Variants in NBPF12 observed in about 807,000 individuals in gnomAD.
NBPF12 encodes the protein NBPF member 12, also known as NBPF family member NBPF12.
In NBPF12, 115 loss-of-function variants were observed where a neutral mutation model predicts 146.4. The observed-to-expected ratio is 0.79, with a 90% CI of 0.68 to 0.92. The LOEUF (loss-of-function observed/expected upper bound fraction) is 0.92. NBPF12 is among the 40% of genes least tolerant of loss of function. NBPF12 has a pLI of 0.00. For synonymous variants in NBPF12, 385 were observed against 508.9 expected, an observed-to-expected ratio of 0.76 and a Z score of 3.28; for missense variants, 1,205 against 1,326.8, an observed-to-expected ratio of 0.91 and a Z score of 1.43.
chr1:146,975,279 G>T (rs1400802154), intron 15 of NBPF12, among the ~76,000 whole-genome samples: 1 of 128,382 alleles, frequency 7.8e-6, no homozygotes, highest in Non-Finnish European at 1.6e-5. Flanking sequence ...TTTTCAATTC[G>T]CCCTATCTGC....
At chr1:146,979,605 G>C (rs1657246043) in intron 19 of NBPF12, among the ~76,000 whole-genome samples, 1 of 13,942 alleles carries the variant, frequency 7.2e-5, no homozygotes, top group Non-Finnish European at 1.1e-4. Context: ...GCAGGTTGTT[G>C]AGTTTCCATG....
chr1:146,973,910 A>C (rs1656821307), intron 14 of NBPF12, among the ~76,000 whole-genome samples: 1 of 150,604 alleles, frequency 6.6e-6, no homozygotes, highest in Non-Finnish European at 1.5e-5. Flanking sequence ...GCACCCGAGA[A>C]TGTGTGGAGG....
At position 146,964,834 on chromosome 1, in the gene NBPF12, T is replaced by A. The variant is rs1656087889; in HGVS notation, c.567-59T>A. On this transcript the variant is annotated intron_variant, in intron 7 of 33. Transcript: ENST00000617844. ...CCTGTCAAAACCAGCTAGGACTCCC[T>A]GGGGTCCAATCCCTCTGTGTTTAAT... is the stretch of plus-strand genomic sequence containing the variant. The A allele has an allele frequency of 3.1e-6, 5 of 1,594,048 alleles. No homozygotes were observed. The Admixed American group carries it at 8.4e-5, about 27-fold the overall frequency.
rs1287549637 is a variant in NBPF12, at chr1:146,966,492, C to A, written c.807C>A (p.Asn269Lys). 7.7e-6 allele frequency: 11 copies of A among 1,437,114 alleles called. No homozygotes were observed. In the Admixed American group the frequency reaches 8.4e-5, roughly 11 times the overall value. 89.0% of individuals were successfully genotyped at this position (1,437,114 alleles called of 1,614,324 possible). ...CTGGCCCCACCTCTTCTGCCACAAACGTCAGCATGGTGGTATCAGCCGGCC... is the reference window on the plus strand; with the variant it reads ...CTGGCCCCACCTCTTCTGCCACAAAAGTCAGCATGGTGGTATCAGCCGGCC... Residue 269 changes from asparagine to lysine, a missense_variant, in exon 9 of 34, where the codon AAC becomes AAA. Physicochemically the swap from Asn to Lys is moderately conservative, Grantham distance 94. Around this residue, in one of 16 missense-constraint regions of NBPF12, gnomAD observed 325 missense variants for 236.6 expected, o/e 1.37. Coordinates refer to ENST00000617844, the Ensembl canonical transcript of NBPF12.
chr1:146,989,478 T>C, intron 27 of NBPF12, 96 bp from the exon 31 acceptor site: 1 of 1,242,786 alleles, frequency 8.0e-7, no homozygotes, highest in Non-Finnish European at 1.2e-6. Context: ...CCTTTTTCTT[T>C]TCTAACCACT....
intron 3 of NBPF12, 39 bp downstream of exon 6, chr1:146,960,045 T>C: frequency 4.3e-6 from 2 of 464,656 alleles, no homozygotes; most frequent in Non-Finnish European, 7.2e-6. Context: ...CCCTCAGTCC[T>C]GATTAAACCT....
chr1:146,980,496 T>G (rs1267419873), intron 19 of NBPF12, among the ~76,000 whole-genome samples: 14 of 151,792 alleles, frequency 9.2e-5, no homozygotes, highest in South Asian at 2.1e-4. Flanking sequence ...AGGAGCTCTT[T>G]TTGGGCAGGC....
rs1356147436 is a variant in NBPF12, at chr1:146,972,252, G to C, written c.1592-499G>C. 1.7e-4 allele frequency among the ~76,000 whole-genome samples: 25 copies of C among 151,002 alleles called. No homozygotes were observed. In the South Asian group the frequency reaches 4.4e-3, roughly 26 times the overall value. ...TCTACTAAAAATACAAAAATTAGCT[G>C]TCATGTTACTTGGCGCTTGTAATCC... On this transcript the variant is annotated intron_variant, in intron 13 of 33. Coordinates refer to ENST00000617844, the Ensembl canonical transcript of NBPF12.
chr1:146,963,051 T>C lies in NBPF12; in HGVS notation c.279-44T>C, dbSNP rs1655963674. On this transcript the variant is annotated intron_variant, in intron 5 of 33. Coordinates refer to ENST00000617844, the Ensembl canonical transcript of NBPF12. ...CTGTTGCAATATTTGAACGGATCAC[T>C]CAACGCTTTTCACTGTTAAATTTTC... The C allele has an allele frequency of 7.5e-6, 12 of 1,610,308 alleles. No individual in the cohort carries two copies. The Admixed American group carries it at 1.0e-4, about 13-fold the overall frequency.
chr1:146,965,235 C>G (rs1656113130), intron 8 of NBPF12, 131 bp downstream of exon 11: 3 of 716,372 alleles, frequency 4.2e-6, no homozygotes, highest in Middle Eastern at 8.0e-4. Context: ...TGCTGTGACT[C>G]ACACATATAA....
intron 2 of NBPF12, among the ~76,000 whole-genome samples, chr1:146,955,091 T>G (rs1367611912): frequency 1.0e-5 from 1 of 100,278 alleles, no homozygotes; most frequent in African/African-American, 3.7e-5. Context: ...AAGACTTGAA[T>G]AGATACTTCA....
At chr1:146,965,723 C>A (rs1343624553) in intron 8 of NBPF12, among the ~76,000 whole-genome samples, 1 of 136,348 alleles carries the variant, frequency 7.3e-6, no homozygotes, top group African/African-American at 2.8e-5. Context: ...ACCCAGGAAC[C>A]GGATCTTGCA....
rs1553888345 is a variant in NBPF12, at chr1:146,984,521, G to A, written c.2667-292G>A. On this transcript the variant is annotated intron_variant, in intron 21 of 33. Coordinates refer to ENST00000617844, the Ensembl canonical transcript of NBPF12. ...TGTGTGTCCTGAGAGCACAAATACAGAGTGTCCTTTGACTCCCTCATCAGT... is the reference window on the plus strand; with the variant it reads ...TGTGTGTCCTGAGAGCACAAATACAAAGTGTCCTTTGACTCCCTCATCAGT... Among the ~76,000 whole-genome samples the A allele has an allele frequency of 1.1e-3, 159 of 150,618 alleles. No individual in the cohort carries two copies. In the South Asian group the frequency reaches 0.015, roughly 15 times the overall value.
rs1203044470 is a variant in NBPF12 at position 146,963,318 on chromosome 1, G to T, written c.493+9G>T. ...CCAAAAGCTCAGCCCAGGTAAGGTGGCCATAGGCCCTGATGACCCAAAACC... is the reference window on the plus strand; with the variant it reads ...CCAAAAGCTCAGCCCAGGTAAGGTGTCCATAGGCCCTGATGACCCAAAACC... On this transcript the variant is annotated intron_variant, in intron 6 of 33. Transcript: ENST00000617844. 6.2e-7 allele frequency: 1 copy of T among 1,611,710 alleles called. No homozygotes were observed. The highest frequency in any genetic ancestry group is 8.5e-7 in the Non-Finnish European group (1 of 1,179,840).
At chr1:146,959,104 G>C (rs1655722538) in intron 2 of NBPF12, among the ~76,000 whole-genome samples, 1 of 97,602 alleles carries the variant, frequency 1.0e-5, no homozygotes, top group African/African-American at 3.7e-5. Context: ...CAATCAATAG[G>C]ATATTACTTG....
chr1:146,966,271 T>C (rs1343252332), intron 8 of NBPF12, among the ~76,000 whole-genome samples, 193 bp from the exon 12 acceptor site: 3 of 151,996 alleles, frequency 2.0e-5, no homozygotes, highest in African/African-American at 7.3e-5. Context: ...TATGTCCTGC[T>C]TTAAAGGTGA....
chr1:146,973,158 C>G (rs1656764929), intron 14 of NBPF12, among the ~76,000 whole-genome samples, 198 bp downstream of exon 17: 1 of 149,414 alleles, frequency 6.7e-6, no homozygotes, highest in South Asian at 2.1e-4. Context: ...TGTTTGCAAT[C>G]AGGTGGGGGT....
At chr1:146,965,370 C>T (rs1365738647) in intron 8 of NBPF12, among the ~76,000 whole-genome samples, 1 of 151,276 alleles carries the variant, frequency 6.6e-6, no homozygotes, top group South Asian at 2.1e-4. Context: ...CATGGTGCTG[C>T]GTGCCTATAG....
At chr1:146,994,622 A>G (rs782788648) in exon 34 of NBPF12, 38 of 1,588,910 alleles carry the variant, frequency 2.4e-5, no homozygotes, top group African/African-American at 4.2e-5. Flanking sequence ...GGCAGGACCT[A>G]TAGGCACCTG....
Sources: allele counts gnomAD v4.1 joint callset (sites outside exome capture counted in the v4.1 genomes callset), GRCh38; gene constraint gnomAD v4.1.1; regional missense constraint gnomAD v4.1.1; transcripts MANE v1.5; gene names NCBI Gene and HGNC (gene_info 2026-07-23, HGNC 2026-07-21).